The following NSMCE2 variants were observed in gnomAD, a reference collection of about 807,000 sequenced individuals.
NSMCE2 encodes the protein NSE2 SUMO ligase component of SMC5/6 complex.
In NSMCE2, 24 loss-of-function variants were observed where a neutral mutation model predicts 23.8. The ratio of observed to expected loss-of-function variants is 1.01; its 90% CI spans 0.73 to 1.42. The LOEUF (loss-of-function observed/expected upper bound fraction) is 1.42. Ranked by LOEUF, NSMCE2 falls within the 40% of genes most tolerant of loss-of-function variation. The pLI is 0.00. For synonymous variants in NSMCE2, 92 were observed against 94.1 expected (o/e 0.98, Z 0.13); for missense variants, 284 against 296.5 (o/e 0.96, Z 0.31).
At chr8:125,147,139 T>G (rs935251944) in intron 3 of NSMCE2, among the ~76,000 whole-genome samples, 1 of 152,194 alleles carries the variant, frequency 6.6e-6, no homozygotes, top group African/African-American at 2.4e-5. Flanking sequence ...TCTGTGAATT[T>G]GAACATCGTT....
chr8:125,092,089 G>A (rs1380131977), intron 1 of NSMCE2, 131 bp downstream of exon 1: 1 of 152,226 alleles, frequency 6.6e-6, no homozygotes, highest in African/African-American at 2.4e-5. Context: ...TCACGCCACG[G>A]TAGTGAGTCT....
At chr8:125,349,438 A>G (rs17319374) in intron 5 of NSMCE2, among the ~76,000 whole-genome samples, 8,690 of 152,256 alleles carry the variant, frequency 0.057, 316 homozygotes, top group Non-Finnish European at 0.086. Context: ...TTCAAGAGAA[A>G]AGTGCTTTTA....
intron 1 of NSMCE2, among the ~76,000 whole-genome samples, chr8:125,095,121 G>A (rs574362400): frequency 6.6e-6 from 1 of 152,218 alleles, no homozygotes; most frequent in Admixed American, 6.5e-5. Context: ...AAAGTGCTGG[G>A]ATTATAGGCA....
At chr8:125,244,538 TA>T (rs1172222900) in intron 5 of NSMCE2, among the ~76,000 whole-genome samples, 1 of 152,080 alleles carries the variant, frequency 6.6e-6, no homozygotes, top group Non-Finnish European at 1.5e-5. Flanking sequence ...AATTGGCTTT[TA>T]AAAAAAATTC....
intron 6 of NSMCE2, among the ~76,000 whole-genome samples, 161 bp from the exon 7 acceptor site, chr8:125,357,551 T>A (rs1813337793): frequency 6.6e-6 from 1 of 152,204 alleles, no homozygotes; most frequent in African/African-American, 2.4e-5. Flanking sequence ...CAAGTGACAG[T>A]ACTGCCACTG....
chr8:125,351,828 TGGTGAA>T (rs1813048204), intron 5 of NSMCE2, among the ~76,000 whole-genome samples: 1 of 151,924 alleles, frequency 6.6e-6, no homozygotes, highest in Non-Finnish European at 1.5e-5. Flanking sequence ...CTGGCCAACA[TGGTGAA>T]ACCCCCATCT....
chr8:125,199,009 T>C (rs1227958309), intron 5 of NSMCE2, among the ~76,000 whole-genome samples: 1 of 152,196 alleles, frequency 6.6e-6, no homozygotes, highest in Non-Finnish European at 1.5e-5. Flanking sequence ...TGGTAGTTTG[T>C]ATTTCTGTGG....
chr8:125,268,356 G>C (rs1448903635), intron 5 of NSMCE2, among the ~76,000 whole-genome samples: 2 of 152,064 alleles, frequency 1.3e-5, no homozygotes, highest in South Asian at 2.1e-4. Flanking sequence ...CACTTCTGTT[G>C]GTCGTTTGAA....
chr8:125,192,256 T>C (rs1428564987), intron 5 of NSMCE2, among the ~76,000 whole-genome samples: 1 of 152,202 alleles, frequency 6.6e-6, no homozygotes, highest in Non-Finnish European at 1.5e-5. Flanking sequence ...AAGTGTTATA[T>C]TTGTTAGATA....
At chr8:125,213,526 TCTCCTCTCCTCTCCC>T (rs1342269684) in intron 5 of NSMCE2, among the ~76,000 whole-genome samples, 3 of 53,120 alleles carry the variant, frequency 5.6e-5, no homozygotes, top group Admixed American at 2.1e-4. Flanking sequence ...TCTCCTCTCC[TCTCCTCTCCTCTCCC>T]CTCCACTCCC....
At chr8:125,177,486 C>T (rs1203108841) in intron 4 of NSMCE2, among the ~76,000 whole-genome samples, 3 of 152,208 alleles carry the variant, frequency 2.0e-5, no homozygotes, top group South Asian at 2.1e-4. Flanking sequence ...ACTCTGTTAA[C>T]CCCTTTTCTC....
chr8:125,144,297 C>T (rs1820548344), intron 3 of NSMCE2, among the ~76,000 whole-genome samples: 1 of 152,186 alleles, frequency 6.6e-6, no homozygotes, highest in African/African-American at 2.4e-5. Context: ...CACATCACTT[C>T]TGTCCCTTTC....
At chr8:125,355,954 A>G (rs75740508) in intron 5 of NSMCE2, among the ~76,000 whole-genome samples, 4,923 of 152,246 alleles carry the variant, frequency 0.032, 116 homozygotes, top group African/African-American at 0.07. Context: ...AGCAGTTCTC[A>G]AAGTGCAGGC....
intron 3 of NSMCE2, among the ~76,000 whole-genome samples, chr8:125,118,125 G>A (rs1039933683): frequency 3.3e-5 from 5 of 151,910 alleles, no homozygotes; most frequent in Non-Finnish European, 7.4e-5. Flanking sequence ...CGAGGCGGGC[G>A]GATCACCTGA....
intron 5 of NSMCE2, among the ~76,000 whole-genome samples, chr8:125,334,944 C>T (rs993039319): frequency 5.3e-5 from 8 of 151,504 alleles, no homozygotes; most frequent in Admixed American, 4.6e-4. Context: ...TTTGTAGAGG[C>T]GGAGTCTCAC....
intron 5 of NSMCE2, among the ~76,000 whole-genome samples, chr8:125,340,001 AGTTTTTTTTT>A (rs1830181353): frequency 1.5e-5 from 2 of 132,028 alleles, no homozygotes; most frequent in Non-Finnish European, 3.2e-5. Flanking sequence ...CCGACGTTGT[AGTTTTTTTTT>A]GTTTTTTTTT....
chr8:125,123,635 G>A (rs868525826), intron 3 of NSMCE2, among the ~76,000 whole-genome samples: 1 of 152,188 alleles, frequency 6.6e-6, no homozygotes, highest in Non-Finnish European at 1.5e-5. Flanking sequence ...TGCATCTTGT[G>A]TAGATCAACA....
chr8:125,101,358 C>T (rs1264628175), intron 1 of NSMCE2, among the ~76,000 whole-genome samples: 1 of 152,206 alleles, frequency 6.6e-6, no homozygotes. Flanking sequence ...GAAGGGAAGG[C>T]TCTAATGCTA....
In NSMCE2 at chr8:125,099,627, C is replaced by G. The variant is rs891752316; in HGVS notation, c.-110-2424C>G. Among the ~76,000 whole-genome samples, 36 of 152,008 alleles carry G rather than the reference C, an allele frequency of 2.4e-4. 1 individual carries two copies. Among genetic ancestry groups the G allele is most frequent in the Admixed American group, 6.5e-5 (1 of 15,268 alleles). ...TGTTGCATACTGCTGGCTGATAGGT[C>G]AAAGGAGATAGGGCTGAGCATTGAT... On this transcript the variant is annotated intron_variant, in intron 1 of 7. Transcript: ENST00000287437.
Sources: allele counts gnomAD v4.1 joint callset (sites outside exome capture counted in the v4.1 genomes callset), GRCh38; gene constraint gnomAD v4.1.1; transcripts MANE v1.5; gene names NCBI Gene and HGNC (gene_info 2026-07-23, HGNC 2026-07-21).